PIK3C2G: variants seen among roughly 807,000 people sequenced by gnomAD.
PIK3C2G encodes phosphatidylinositol 3-kinase C2 domain-containing subunit gamma.
In PIK3C2G, 168 loss-of-function variants were observed where a neutral mutation model predicts 181.1. The observed-to-expected ratio is 0.93, with a 90% CI of 0.82 to 1.05. The LOEUF is 1.05. PIK3C2G is among the 50% of genes least tolerant of loss of function. The pLI, the probability that PIK3C2G is intolerant of heterozygous loss-of-function variation, is 0.00. For missense variants in PIK3C2G, 1,869 were observed against 1,732.8 expected (o/e 1.08, Z -1.40); for synonymous variants, 573 against 592.2 (o/e 0.97, Z 0.47).
At chr12:18,701,435 ATCTCC>A in the PIK3C2G span, 1 of 1,606,152 alleles carries the variant, frequency 6.2e-7, no homozygotes, top group South Asian at 1.1e-5. Flanking sequence ...TTTTAAAAAA[ATCTCC>A]AAGAATAAAA....
upstream of PIK3C2G, among the ~76,000 whole-genome samples, chr12:18,258,392 T>C (rs1160514927): frequency 6.6e-6 from 1 of 152,066 alleles, no homozygotes; most frequent in Non-Finnish European, 1.5e-5. Flanking sequence ...AACTTAGTTC[T>C]CCTGTCTACC....
At chr12:18,476,443 C>T (rs369405648) in intron 18 of PIK3C2G, among the ~76,000 whole-genome samples, 10 of 151,904 alleles carry the variant, frequency 6.6e-5, no homozygotes, top group East Asian at 3.9e-4. Context: ...TATTTTATCC[C>T]GGGGAAGGCT....
intron 31 of PIK3C2G, among the ~76,000 whole-genome samples, chr12:18,637,083 G>A (rs1949636933): frequency 6.6e-6 from 1 of 152,156 alleles, no homozygotes; most frequent in South Asian, 2.1e-4. Context: ...ACTCTGACTG[G>A]TGGTCCACAG....
the PIK3C2G span, among the ~76,000 whole-genome samples, chr12:18,709,578 T>C: frequency 1.3e-5 from 2 of 151,974 alleles, no homozygotes; most frequent in East Asian, 3.9e-4. Flanking sequence ...TTGATAAGAA[T>C]TGCATTAAAT....
chr12:18,514,188 C>G (rs950461309), intron 24 of PIK3C2G, among the ~76,000 whole-genome samples: 11 of 151,668 alleles, frequency 7.3e-5, no homozygotes, highest in African/African-American at 2.7e-4. Flanking sequence ...CATTGTGATC[C>G]AAAAATATAC....
intron 32 of PIK3C2G, among the ~76,000 whole-genome samples, chr12:18,646,960 C>T (rs1429840713): frequency 1.3e-5 from 2 of 151,712 alleles, no homozygotes; most frequent in African/African-American, 2.4e-5. Context: ...GTATATACAG[C>T]ATAATTACAA....
At chr12:18,699,981 T>A in the PIK3C2G span, 15 of 1,590,404 alleles carry the variant, frequency 9.4e-6, no homozygotes, top group African/African-American at 1.3e-5. Flanking sequence ...TTTTACATTT[T>A]TATGCTAATC....
chr12:18,463,674 T>C (rs1361737425), intron 18 of PIK3C2G, among the ~76,000 whole-genome samples: 1 of 152,200 alleles, frequency 6.6e-6, no homozygotes, highest in Non-Finnish European at 1.5e-5. Flanking sequence ...TTAAGACAGC[T>C]TTGTGTTCAT....
chr12:18,298,933 T>C (rs1257468574), intron 5 of PIK3C2G, among the ~76,000 whole-genome samples: 2 of 151,836 alleles, frequency 1.3e-5, no homozygotes, highest in East Asian at 3.9e-4. Context: ...TCAATATCAT[T>C]TTGCTTTGGT....
intron 24 of PIK3C2G, among the ~76,000 whole-genome samples, chr12:18,522,948 T>C (rs896762881): frequency 6.6e-6 from 1 of 152,114 alleles, no homozygotes; most frequent in Non-Finnish European, 1.5e-5. Flanking sequence ...TTTCTTTTTG[T>C]TTCTCTGATT....
intron 15 of PIK3C2G, among the ~76,000 whole-genome samples, chr12:18,395,352 T>C (rs76072913): frequency 0.065 from 9,324 of 143,696 alleles, 373 homozygotes; most frequent in Middle Eastern, 0.13. Flanking sequence ...CAAAAGGAGG[T>C]TGAATACTAT....
chr12:18,456,470 G>C (rs1947636128), intron 18 of PIK3C2G, among the ~76,000 whole-genome samples: 1 of 152,168 alleles, frequency 6.6e-6, no homozygotes, highest in Admixed American at 6.5e-5. Context: ...AGATGAGCTT[G>C]AGGAGGCCAT....
intron 12 of PIK3C2G, 56 bp downstream of exon 12, chr12:18,362,942 C>T: frequency 7.5e-7 from 1 of 1,339,886 alleles, no homozygotes; most frequent in Non-Finnish European, 9.8e-7. Flanking sequence ...TCAGCTTTTT[C>T]CCCCTTTTTT....
intron 18 of PIK3C2G, among the ~76,000 whole-genome samples, chr12:18,469,333 T>G (rs1358756477): frequency 1.3e-5 from 2 of 152,054 alleles, no homozygotes; most frequent in Non-Finnish European, 2.9e-5. Flanking sequence ...CGACTCTGCT[T>G]AAAATGGAAA....
chr12:18,343,961 GGT>G (rs1268512109), intron 10 of PIK3C2G, among the ~76,000 whole-genome samples: 1 of 152,028 alleles, frequency 6.6e-6, no homozygotes, highest in Non-Finnish European at 1.5e-5. Context: ...AGGCAGAACT[GGT>G]TTTGAATTTC....
rs1945476393 is a variant in PIK3C2G, at chr12:18,421,334, AT to A, written c.2409+302del. Among the ~76,000 whole-genome samples the A allele has an allele frequency of 3.9e-5, 6 of 152,148 alleles. No individual in the cohort carries two copies. The South Asian group carries it at 1.0e-3, about 26-fold the overall frequency. On this transcript the variant is annotated intron_variant, in intron 17 of 32. Coordinates refer to ENST00000538779, the MANE Select transcript of PIK3C2G (RefSeq NM_001288772.2). ...AATATGTATATATAAAATGATAAAA[AT>A]TACCAAATAAATGTTATGTAGAAAA...
At chr12:18,454,049 C>G (rs1387367995) in intron 18 of PIK3C2G, among the ~76,000 whole-genome samples, 1 of 152,082 alleles carries the variant, frequency 6.6e-6, no homozygotes, top group African/African-American at 2.4e-5. Flanking sequence ...AGTTTTTCTA[C>G]TAGTTTTTTT....
At chr12:18,526,607 G>A (rs377679734) in intron 24 of PIK3C2G, among the ~76,000 whole-genome samples, 32 of 152,214 alleles carry the variant, frequency 2.1e-4, no homozygotes, top group East Asian at 1.9e-3. Flanking sequence ...ACCCTAGCTG[G>A]AAATTTACCA....
intron 13 of PIK3C2G, 64 bp downstream of exon 13, chr12:18,371,375 T>C: frequency 7.1e-7 from 1 of 1,401,918 alleles, no homozygotes; most frequent in Non-Finnish European, 9.7e-7. Flanking sequence ...GAAGTAAATA[T>C]TTTGGAGTAT....
Sources: gnomAD v4.1 joint callset for allele counts (sites outside exome capture counted in the v4.1 genomes callset) on GRCh38, gnomAD v4.1.1 for gene constraint, MANE v1.5 for transcripts, NCBI Gene and HGNC (gene_info 2026-07-23, HGNC 2026-07-21) for gene names.